The following CNTNAP2 variants were observed in gnomAD, a reference collection of about 807,000 sequenced individuals.
The protein encoded by CNTNAP2 is contactin-associated protein-like 2.
Under a neutral mutation model 155.2 loss-of-function variants are expected in CNTNAP2, and 98 were observed. The observed-to-expected ratio is 0.63, with a 90% CI of 0.54 to 0.75. The LOEUF (loss-of-function observed/expected upper bound fraction) is 0.75. CNTNAP2 is among the 30% of genes least tolerant of loss of function. The probability of loss-of-function intolerance (pLI) is 0.00; values close to 1 mark genes in which losing one functional copy is unlikely to be tolerated. For synonymous variants in CNTNAP2, 651 were observed against 631.2 expected, an observed-to-expected ratio of 1.03 and a Z score of -0.47; for missense variants, 1,727 against 1,688.1, an observed-to-expected ratio of 1.02 and a Z score of -0.40.
At chr7:148,201,683 A>G (rs562860806) in intron 18 of CNTNAP2, among the ~76,000 whole-genome samples, 30 of 152,214 alleles carry the variant, frequency 2.0e-4, no homozygotes, top group Middle Eastern at 3.4e-3. Context: ...TGGGTCTCCA[A>G]TTAGAATAAA....
chr7:147,935,544 C>A (rs903401012), intron 14 of CNTNAP2, among the ~76,000 whole-genome samples: 2 of 152,112 alleles, frequency 1.3e-5, no homozygotes, highest in African/African-American at 4.8e-5. Flanking sequence ...AATTTTATAA[C>A]TGAAATTGTT....
At chr7:146,693,712 A>C (rs985953144) in intron 1 of CNTNAP2, among the ~76,000 whole-genome samples, 2 of 152,144 alleles carry the variant, frequency 1.3e-5, no homozygotes, top group Non-Finnish European at 2.9e-5. Context: ...TTTAAGATTG[A>C]AAAGCAGTGT....
chr7:146,278,166 C>T (rs1800193972), intron 1 of CNTNAP2, among the ~76,000 whole-genome samples: 1 of 152,128 alleles, frequency 6.6e-6, no homozygotes, highest in Non-Finnish European at 1.5e-5. Context: ...TAATACAATT[C>T]CATTCCTATG....
intron 8 of CNTNAP2, among the ~76,000 whole-genome samples, chr7:147,193,121 C>T (rs117972558): frequency 0.015 from 2,357 of 152,226 alleles, 35 homozygotes; most frequent in South Asian, 0.05. Context: ...GTTAATTACT[C>T]GTTGCTATTA....
At chr7:148,034,796 A>G (rs1410575394) in intron 15 of CNTNAP2, among the ~76,000 whole-genome samples, 1 of 152,226 alleles carries the variant, frequency 6.6e-6, no homozygotes, top group Non-Finnish European at 1.5e-5. Context: ...GAGGGCTCAG[A>G]AGAGAAGAAA....
intron 8 of CNTNAP2, among the ~76,000 whole-genome samples, chr7:147,153,165 C>T (rs1801859824): frequency 6.6e-6 from 1 of 152,048 alleles, no homozygotes; most frequent in Non-Finnish European, 1.5e-5. Context: ...ACATAAGTTT[C>T]TACACTCATG....
At chr7:146,764,875 G>T (rs572818038) in intron 1 of CNTNAP2, among the ~76,000 whole-genome samples, 2 of 152,100 alleles carry the variant, frequency 1.3e-5, no homozygotes, top group South Asian at 2.1e-4. Flanking sequence ...TTTATTCATT[G>T]CCATAAGCTA....
chr7:147,043,949 G>GA lies in CNTNAP2; in HGVS notation c.447dup (p.Leu150IlefsTer28). On this transcript the variant is annotated frameshift_variant, in exon 4 of 24. Transcript: ENST00000361727. LOFTEE classifies it high-confidence loss of function. ...TAACTCTGACGGTGTGGTCCGGCAC[G>GA]AATTACAGCATCCGATTATTGCCCG... 6.2e-7 allele frequency: 1 copy of GA among 1,614,148 alleles called. No individual in the cohort carries two copies. Among genetic ancestry groups the GA allele is most frequent in the South Asian group, 1.1e-5 (1 of 91,090 alleles).
At chr7:147,915,105 G>T (rs1262399670) in intron 14 of CNTNAP2, among the ~76,000 whole-genome samples, 2 of 152,044 alleles carry the variant, frequency 1.3e-5, no homozygotes, top group African/African-American at 4.8e-5. Context: ...CAGCATCCCA[G>T]TACATAATAA....
At chr7:147,210,898 G>A (rs1482357026) in intron 8 of CNTNAP2, among the ~76,000 whole-genome samples, 2 of 151,662 alleles carry the variant, frequency 1.3e-5, no homozygotes, top group Non-Finnish European at 2.9e-5. Context: ...GATTTTCTTT[G>A]TATTGATTTC....
At chr7:147,506,983 T>A (rs2116680554) in intron 11 of CNTNAP2, among the ~76,000 whole-genome samples, 1 of 152,292 alleles carries the variant, frequency 6.6e-6, no homozygotes, top group East Asian at 1.9e-4. Context: ...AAAATGATTG[T>A]ATTTACCTTG....
intron 13 of CNTNAP2, among the ~76,000 whole-genome samples, chr7:147,684,181 C>T (rs1248871576): frequency 2.0e-5 from 3 of 151,748 alleles, no homozygotes; most frequent in Non-Finnish European, 4.4e-5. Flanking sequence ...GAAATACTAA[C>T]AAAGTTTGCC....
At position 148,074,016 on chromosome 7, in the gene CNTNAP2, TC is replaced by T. The variant is rs1803430939; in HGVS notation, c.2384-44100del. Among the ~76,000 whole-genome samples, 3 of 152,116 alleles carry T rather than the reference TC, an allele frequency of 2.0e-5. No individual in the cohort carries two copies. In the South Asian group the frequency reaches 6.2e-4, roughly 32 times the overall value. ...GCGAGAGATGACGGTATACATAGGG[TC>T]CAGTATTATCTGAAGTTTCAGACAT... On this transcript the variant is annotated intron_variant, in intron 15 of 23. Coordinates refer to ENST00000361727, the MANE Select transcript of CNTNAP2 (RefSeq NM_014141.6).
At chr7:147,186,867 T>TTTAGAATGTCA (rs1563108078) in intron 8 of CNTNAP2, among the ~76,000 whole-genome samples, 1 of 141,812 alleles carries the variant, frequency 7.1e-6, no homozygotes, top group Admixed American at 7.0e-5. Flanking sequence ...AGAAGGCACT[T>TTTAGAATGTCA]GATCTTTTCG....
intron 12 of CNTNAP2, among the ~76,000 whole-genome samples, chr7:147,596,680 A>G (rs1800832449): frequency 6.6e-6 from 1 of 152,192 alleles, no homozygotes; most frequent in Non-Finnish European, 1.5e-5. Context: ...CATTCAAACC[A>G]GAGCAACTCC....
intron 1 of CNTNAP2, among the ~76,000 whole-genome samples, chr7:146,697,785 T>C (rs954195783): frequency 4.6e-5 from 7 of 152,194 alleles, no homozygotes; most frequent in Non-Finnish European, 8.8e-5. Context: ...ACATTTAAAG[T>C]GATTAATGAT....
At chr7:146,866,360 C>T (rs1161788959) in intron 3 of CNTNAP2, among the ~76,000 whole-genome samples, 4 of 151,918 alleles carry the variant, frequency 2.6e-5, no homozygotes, top group Non-Finnish European at 5.9e-5. Context: ...TTATTTTTTA[C>T]ATTTCAGTAC....
intron 1 of CNTNAP2, among the ~76,000 whole-genome samples, chr7:146,144,603 G>A (rs1797931075): frequency 6.6e-6 from 1 of 152,150 alleles, no homozygotes; most frequent in Admixed American, 6.6e-5. Context: ...TGCTGAATGG[G>A]CTGTTGTTAT....
chr7:148,258,987 C>G (rs1376217743), intron 20 of CNTNAP2, among the ~76,000 whole-genome samples: 3 of 151,636 alleles, frequency 2.0e-5, no homozygotes, highest in Admixed American at 6.6e-5. Flanking sequence ...ACCAGCCTGG[C>G]CAACATGGTG....
Sources: allele counts gnomAD v4.1 joint callset (sites outside exome capture counted in the v4.1 genomes callset), GRCh38; gene constraint gnomAD v4.1.1; transcripts MANE v1.5; gene names NCBI Gene and HGNC (gene_info 2026-07-23, HGNC 2026-07-21).